Variants in CLCN3 observed in about 807,000 individuals in gnomAD.
CLCN3 encodes the protein Cl-/H+ antiporter 3.
Under a neutral mutation model 83.4 loss-of-function variants are expected in CLCN3, and 16 were observed. The ratio of observed to expected loss-of-function variants is 0.19; its 90% CI spans 0.13 to 0.29. CLCN3 has a LOEUF of 0.29. CLCN3 is among the 10% of genes least tolerant of loss of function. The pLI is 1.00. For missense variants in CLCN3, 544 were observed against 1,006.0 expected, an observed-to-expected ratio of 0.54 and a Z score of 6.21; for synonymous variants, 322 against 346.2, an observed-to-expected ratio of 0.93 and a Z score of 0.78.
In CLCN3 at chr4:169,722,612, C is replaced by T. The variant is rs190451855; in HGVS notation, c.*2615C>T. On this transcript the variant is annotated 3_prime_UTR_variant, in exon 13 of 13. Transcript: ENST00000513761. The stretch of plus-strand genomic sequence containing the variant: ...AAACTTCACATGGAGTTTATTTTAT[C>T]ATATTTCCCTTTTTTATTTCTGCTC... The T allele has an allele frequency of 3.2e-4, 49 of 152,286 alleles. No individual in the cohort carries two copies. In the East Asian group the frequency reaches 9.5e-3, roughly 29 times the overall value. The allele number at this position is 152,286 out of a possible 1,614,324, so 9.4% of individuals were successfully genotyped here. A position where few individuals can be genotyped will look rare whatever the true frequency, so the allele number is the denominator to read the frequency against.
At chr4:169,630,492 A>G (rs1166952447) in intron 1 of CLCN3, among the ~76,000 whole-genome samples, 1 of 152,014 alleles carries the variant, frequency 6.6e-6, no homozygotes, top group African/African-American at 2.4e-5. Flanking sequence ...GTAGTGTTCC[A>G]TGGTGTATAT....
At chr4:169,690,700 T>C (rs1227780286) in intron 6 of CLCN3, 48 bp downstream of exon 6, 3 of 1,557,128 alleles carry the variant, frequency 1.9e-6, no homozygotes, top group South Asian at 2.4e-5. Flanking sequence ...ATGATGCTTA[T>C]CTTTTTGACC....
At chr4:169,691,024 A>T (rs1336493555) in intron 6 of CLCN3, among the ~76,000 whole-genome samples, 10 of 151,162 alleles carry the variant, frequency 6.6e-5, no homozygotes, top group Admixed American at 2.0e-4. Flanking sequence ...TTTGAGACTG[A>T]GTCTTGTGCT....
intron 3 of CLCN3, among the ~76,000 whole-genome samples, chr4:169,683,835 C>T (rs1732045264): frequency 6.6e-6 from 1 of 151,858 alleles, no homozygotes; most frequent in African/African-American, 2.4e-5. Context: ...CCTCTGCCTT[C>T]CAGGCTCAAG....
chr4:169,653,640 C>CAAAA lies in CLCN3; in HGVS notation c.160+17570_160+17573dup, dbSNP rs70964215. 7.7e-3 allele frequency among the ~76,000 whole-genome samples: 561 copies of CAAAA among 73,218 alleles called. 28 individuals carry two copies. The highest frequency in any genetic ancestry group is 0.032 in the African/African-American group (522 of 16,166). 48.0% of individuals were successfully genotyped at this position (73,218 alleles called of 152,430 possible). A position where few individuals can be genotyped will look rare whatever the true frequency, so the allele number is the denominator to read the frequency against. On this transcript the variant is annotated intron_variant, in intron 2 of 12. Transcript: ENST00000513761. The stretch of plus-strand genomic sequence containing the variant: ...TGGGTGACAGAGTGAGACTCCGTCT[C>CAAAA]AAAAAAAAAAAAAAAAAAAAAGGAA...
chr4:169,657,545 T>C (rs1730922813), intron 2 of CLCN3, among the ~76,000 whole-genome samples: 1 of 152,212 alleles, frequency 6.6e-6, no homozygotes, highest in Non-Finnish European at 1.5e-5. Flanking sequence ...TCTCAGATCA[T>C]TACTGTTACA....
chr4:169,686,882 T>C (rs28420472), intron 3 of CLCN3, among the ~76,000 whole-genome samples: 25,380 of 152,004 alleles, frequency 0.17, 3,435 homozygotes, highest in African/African-American at 0.38. Context: ...ATTAATCTCC[T>C]AACTTCCTAC....
chr4:169,685,509 C>G (rs1435711644), intron 3 of CLCN3, among the ~76,000 whole-genome samples: 4 of 151,992 alleles, frequency 2.6e-5, no homozygotes, highest in Non-Finnish European at 5.9e-5. Flanking sequence ...TTGCTTTTTT[C>G]CTGTATAATG....
intron 2 of CLCN3, among the ~76,000 whole-genome samples, chr4:169,639,256 T>G (rs1307631044): frequency 5.9e-5 from 9 of 152,204 alleles, no homozygotes; most frequent in Non-Finnish European, 1.3e-4. Context: ...GGTTTTGAAC[T>G]TTTAGGTTCG....
intron 2 of CLCN3, among the ~76,000 whole-genome samples, chr4:169,653,053 A>G (rs1192593992): frequency 1.3e-5 from 2 of 152,238 alleles, no homozygotes; most frequent in African/African-American, 4.8e-5. Context: ...TGGACAAATT[A>G]TGAACAAATA....
Position 169,720,229 on chromosome 4 carries a change from A to T in CLCN3, c.*232A>T, listed in dbSNP as rs905514145. ...AAAGGAGTGAGGTATTTCCCGTCTAACAGAAAGCAGCGTATCAACTCCTAT... is the reference window on the plus strand; with the variant it reads ...AAAGGAGTGAGGTATTTCCCGTCTATCAGAAAGCAGCGTATCAACTCCTAT... On this transcript the variant is annotated 3_prime_UTR_variant, in exon 13 of 13. Transcript: ENST00000513761. 6.5e-6 allele frequency: 4 copies of T among 616,894 alleles called. No individual in the cohort carries two copies. The highest frequency in any genetic ancestry group is 1.1e-5 in the Non-Finnish European group (4 of 352,990). 38.2% of individuals were successfully genotyped at this position (616,894 alleles called of 1,614,324 possible).
intron 2 of CLCN3, among the ~76,000 whole-genome samples, chr4:169,672,602 A>G (rs890942067): frequency 9.9e-5 from 15 of 152,154 alleles, no homozygotes; most frequent in Non-Finnish European, 1.6e-4. Flanking sequence ...ATTTTAACAT[A>G]TATGTAATTT....
At chr4:169,657,898 C>G (rs1730933720) in intron 2 of CLCN3, among the ~76,000 whole-genome samples, 1 of 152,122 alleles carries the variant, frequency 6.6e-6, no homozygotes, top group Non-Finnish European at 1.5e-5. Context: ...AAGTCTCTAT[C>G]AAAGTCCTCT....
At chr4:169,665,960 G>A (rs144948733) in intron 2 of CLCN3, among the ~76,000 whole-genome samples, 264 of 151,282 alleles carry the variant, frequency 1.7e-3, no homozygotes, top group Middle Eastern at 0.01. Context: ...AGTTTAAGGC[G>A]CAGCAATTAA....
intron 2 of CLCN3, 133 bp downstream of exon 2, chr4:169,636,221 C>G: frequency 1.3e-6 from 1 of 788,348 alleles, no homozygotes; most frequent in South Asian, 1.9e-5. Flanking sequence ...ATAAACTTAA[C>G]CATTGTAAAG....
intron 6 of CLCN3, among the ~76,000 whole-genome samples, chr4:169,691,739 T>C (rs1732381191): frequency 6.6e-6 from 1 of 152,198 alleles, no homozygotes; most frequent in Non-Finnish European, 1.5e-5. Flanking sequence ...ATTTCTAACA[T>C]AATGTCCAAA....
rs114370739 is a variant in CLCN3, at chr4:169,627,386, T to G, written c.-17+6323T>G. On this transcript the variant is annotated intron_variant, in intron 1 of 12. Coordinates refer to ENST00000513761, the MANE Select transcript of CLCN3 (RefSeq NM_001829.4). ...GCTTACGGACTGTGTGCCAGCCAGC[T>G]TGCTTACTTTTCTCAGGTTTATCAA... is the stretch of plus-strand genomic sequence containing the variant. 7.2e-3 allele frequency among the ~76,000 whole-genome samples: 1,096 copies of G among 152,288 alleles called. 12 individuals carry two copies. The highest frequency in any genetic ancestry group is 0.025 in the African/African-American group (1,052 of 41,558).
At chr4:169,647,049 C>G (rs1435913320) in intron 2 of CLCN3, among the ~76,000 whole-genome samples, 3 of 152,218 alleles carry the variant, frequency 2.0e-5, no homozygotes, top group South Asian at 2.1e-4. Flanking sequence ...AACAGACTAC[C>G]TACATCATGA....
chr4:169,634,811 G>A (rs1452838958), intron 1 of CLCN3, among the ~76,000 whole-genome samples: 2 of 152,092 alleles, frequency 1.3e-5, no homozygotes, highest in Non-Finnish European at 2.9e-5. Flanking sequence ...CAGATGTGGA[G>A]AGCAGAGGCA....
Sources: gnomAD v4.1 joint callset for allele counts (sites outside exome capture counted in the v4.1 genomes callset) on GRCh38, gnomAD v4.1.1 for gene constraint, MANE v1.5 for transcripts, NCBI Gene and HGNC (gene_info 2026-07-23, HGNC 2026-07-21) for gene names.